The following C3orf70 variants were observed in gnomAD, a reference collection of about 807,000 sequenced individuals.
The protein encoded by C3orf70 is chromosome 3 open reading frame 70.
A neutral mutation model predicts 20.7 loss-of-function variants in C3orf70; 15 were observed. That is an observed-to-expected ratio of 0.72 (90% confidence interval 0.48 to 1.11). The LOEUF (loss-of-function observed/expected upper bound fraction) is 1.11, where lower values mean the gene tolerates loss of function less well. Among genes scored for constraint, C3orf70 ranks in the 50% most tolerant of loss-of-function variants. The pLI is 0.00. For missense variants in C3orf70, 332 were observed against 317.6 expected (o/e 1.05, Z -0.34); for synonymous variants, 161 against 125.7 (o/e 1.28, Z -1.88).
intron 1 of C3orf70, among the ~76,000 whole-genome samples, chr3:185,113,348 T>TA (rs142572787): frequency 0.051 from 7,795 of 151,690 alleles, 654 homozygotes; most frequent in African/African-American, 0.18. Flanking sequence ...TGTAAAGAAC[T>TA]AACTGTGCCA....
chr3:185,114,637 C>T (rs1030905486), intron 1 of C3orf70, among the ~76,000 whole-genome samples: 1 of 152,120 alleles, frequency 6.6e-6, no homozygotes, highest in Non-Finnish European at 1.5e-5. Flanking sequence ...CAACAATTAA[C>T]CCTAAGGAGC....
chr3:185,087,903 A>G (rs1028625621), intron 1 of C3orf70, among the ~76,000 whole-genome samples: 1 of 140,442 alleles, frequency 7.1e-6, no homozygotes, highest in Non-Finnish European at 1.5e-5. Context: ...ATTTTAAATT[A>G]GTTTTATACA....
In C3orf70 at chr3:185,152,719, G is replaced by C. The variant is rs1381183053; in HGVS notation, c.105C>G (p.Phe35Leu). The C allele has an allele frequency of 1.3e-6, 2 of 1,594,360 alleles. No homozygotes were observed. The highest frequency in any genetic ancestry group is 1.7e-6 in the Non-Finnish European group (2 of 1,171,148). The change falls in exon 1 of 2, where the codon TTC (phenylalanine) becomes TTG (leucine). Residue 35 changes from phenylalanine to leucine, a missense_variant. By Grantham distance (22) the Phe-to-Leu change is conservative (BLOSUM62 0). Transcript: ENST00000335012. ...ARSCAARRPD[F>L]QPCDGLSICA... is the part of the protein sequence containing the mutation. The stretch of plus-strand genomic sequence containing the variant: ...AGATAGACAGCCCGTCGCACGGCTG[G>C]AAGTCGGGTCTGCGGGCGGCGCAAC...
intron 1 of C3orf70, among the ~76,000 whole-genome samples, chr3:185,134,932 T>C (rs572680762): frequency 3.8e-4 from 58 of 152,074 alleles, no homozygotes; most frequent in Middle Eastern, 3.4e-3. Context: ...AGGGTGTCCG[T>C]GGAGGACAAG....
Position 185,077,746 on chromosome 3 carries a change from A to T in C3orf70, c.*5261T>A, listed in dbSNP as rs1450313550. Among the ~76,000 whole-genome samples, 2 of 142,170 alleles carry T rather than the reference A, an allele frequency of 1.4e-5. No homozygotes were observed. Among genetic ancestry groups the T allele is most frequent in the Non-Finnish European group, 3.0e-5 (2 of 66,300 alleles). 93.3% of individuals were successfully genotyped at this position (142,170 alleles called of 152,430 possible). A position where few individuals can be genotyped will look rare whatever the true frequency, so the allele number is the denominator to read the frequency against. On this transcript the variant is annotated 3_prime_UTR_variant, in exon 2 of 2. Transcript: ENST00000335012. ...CACATGACACGTGTAAGCCGAACAG[A>T]AAGGCTGTAACTGCGTGTGAAATAA...
chr3:185,107,728 G>A (rs775702322), intron 1 of C3orf70, among the ~76,000 whole-genome samples: 7 of 152,152 alleles, frequency 4.6e-5, no homozygotes, highest in Non-Finnish European at 1.5e-5. Context: ...CAAGTAAATG[G>A]AGAATGTTAA....
chr3:185,107,848 T>C (rs998353365), intron 1 of C3orf70, among the ~76,000 whole-genome samples: 10 of 152,218 alleles, frequency 6.6e-5, no homozygotes, highest in African/African-American at 2.4e-4. Context: ...TCATAGACTC[T>C]AGATTTGCTA....
chr3:185,112,160 G>C (rs984496896), intron 1 of C3orf70, among the ~76,000 whole-genome samples: 2 of 151,962 alleles, frequency 1.3e-5, no homozygotes, highest in African/African-American at 4.8e-5. Flanking sequence ...AGGTGTGGTG[G>C]GCGCCTGTAA....
At chr3:185,127,253 G>T (rs1223280398) in intron 1 of C3orf70, among the ~76,000 whole-genome samples, 1 of 152,140 alleles carries the variant, frequency 6.6e-6, no homozygotes, top group Admixed American at 6.5e-5. Flanking sequence ...TCAGTTTAAA[G>T]ACTGGGCCTA....
intron 1 of C3orf70, among the ~76,000 whole-genome samples, chr3:185,139,563 A>AG (rs1272767009): frequency 6.6e-6 from 1 of 151,884 alleles, no homozygotes; most frequent in Non-Finnish European, 1.5e-5. Flanking sequence ...AAAAAAAAAA[A>AG]AAATTCAGTC....
intron 1 of C3orf70, among the ~76,000 whole-genome samples, chr3:185,132,475 C>G (rs755390595): frequency 1.3e-4 from 19 of 151,116 alleles, no homozygotes; most frequent in Non-Finnish European, 1.9e-4. Flanking sequence ...GCCTTCTGGA[C>G]AATTTCTTCA....
At chr3:185,144,396 C>CT (rs1243629130) in intron 1 of C3orf70, among the ~76,000 whole-genome samples, 1 of 152,162 alleles carries the variant, frequency 6.6e-6, no homozygotes, top group East Asian at 1.9e-4. Context: ...CTGCTTTTTG[C>CT]TTTTTTTGGA....
chr3:185,130,899 A>G (rs183699985), intron 1 of C3orf70, among the ~76,000 whole-genome samples: 8 of 152,274 alleles, frequency 5.3e-5, no homozygotes, highest in East Asian at 3.9e-4. Context: ...CTTTTTGGCT[A>G]TTATGATTAA....
rs375285358 is a variant in C3orf70, at chr3:185,130,633, T to G, written c.196+21995A>C. Among the ~76,000 whole-genome samples the G allele has an allele frequency of 7.7e-4, 117 of 152,306 alleles. 1 individual carries two copies. In the South Asian group the frequency reaches 0.023, roughly 29 times the overall value. On this transcript the variant is annotated intron_variant, in intron 1 of 1. Coordinates refer to ENST00000335012, the MANE Select transcript of C3orf70 (RefSeq NM_001025266.3). ...CAATCCCTATTCTCCCCTTCCCTGG[T>G]CCATCGCAACCCCTCATCTACTTTC...
intron 1 of C3orf70, among the ~76,000 whole-genome samples, chr3:185,140,133 G>A (rs1561366422): frequency 6.6e-6 from 1 of 152,182 alleles, no homozygotes; most frequent in African/African-American, 2.4e-5. Context: ...TTCACACCCT[G>A]GGAATACTAT....
At position 185,109,990 on chromosome 3, in the gene C3orf70, G is replaced by A. The variant is rs144868656; in HGVS notation, c.197-26427C>T. Among the ~76,000 whole-genome samples, 181 of 152,316 alleles carry A rather than the reference G, an allele frequency of 1.2e-3. 1 individual carries two copies. Among genetic ancestry groups the A allele is most frequent in the African/African-American group, 4.0e-3 (167 of 41,564 alleles). On this transcript the variant is annotated intron_variant, in intron 1 of 1. Transcript: ENST00000335012. The stretch of plus-strand genomic sequence containing the variant: ...TGTTTAGCTTAAATTGCACCTGTCA[G>A]TCTGCATGCCACGGCCACACTATGT...
intron 1 of C3orf70, 140 bp from the exon 2 acceptor site, chr3:185,083,703 A>G (rs767665859): frequency 3.1e-5 from 21 of 679,022 alleles, no homozygotes; most frequent in Non-Finnish European, 4.9e-5. Flanking sequence ...ATCATTCAAC[A>G]TTGGTATAGT....
At chr3:185,095,862 G>T (rs1208203812) in intron 1 of C3orf70, among the ~76,000 whole-genome samples, 1 of 150,416 alleles carries the variant, frequency 6.6e-6, no homozygotes, top group Non-Finnish European at 1.5e-5. Flanking sequence ...TCAGCCTCTC[G>T]AATAGCTGCG....
intron 1 of C3orf70, among the ~76,000 whole-genome samples, chr3:185,102,937 A>G (rs1715850554): frequency 6.6e-6 from 1 of 152,190 alleles, no homozygotes; most frequent in South Asian, 2.1e-4. Context: ...GTAAAACCCA[A>G]AACTATAAAA....
Sources: allele counts gnomAD v4.1 joint callset (sites outside exome capture counted in the v4.1 genomes callset), GRCh38; gene constraint gnomAD v4.1.1; transcripts MANE v1.5; gene names NCBI Gene and HGNC (gene_info 2026-07-23, HGNC 2026-07-21).